ARHGAP26: variants seen among roughly 807,000 people sequenced by gnomAD.
ARHGAP26 encodes the protein Rho GTPase activating protein 26.
ARHGAP26 carries 38 observed loss-of-function variants against 104.8 expected under a neutral mutation model. That is an observed-to-expected ratio of 0.36 (90% CI 0.28 to 0.48). ARHGAP26 has a LOEUF of 0.48. Ranked by LOEUF, ARHGAP26 falls within the 20% of genes least tolerant of loss-of-function variation. The pLI is 0.99. For synonymous variants in ARHGAP26, 341 were observed against 340.0 expected, an observed-to-expected ratio of 1.00 and a Z score of -0.03; for missense variants, 704 against 947.9, an observed-to-expected ratio of 0.74 and a Z score of 3.38.
intron 14 of ARHGAP26, among the ~76,000 whole-genome samples, chr5:143,043,036 GATCC>G (rs1234398713): frequency 6.6e-6 from 1 of 152,138 alleles, no homozygotes; most frequent in African/African-American, 2.4e-5. Flanking sequence ...ATAATATAGA[GATCC>G]TGTGTACCAC....
intron 14 of ARHGAP26, among the ~76,000 whole-genome samples, chr5:143,046,350 T>A (rs949285405): frequency 1.3e-5 from 2 of 152,198 alleles, no homozygotes; most frequent in Non-Finnish European, 2.9e-5. Context: ...TTTTTTTGAA[T>A]TACTTCGAGT....
chr5:143,167,220 A>G (rs1239280237), intron 20 of ARHGAP26, among the ~76,000 whole-genome samples: 1 of 150,678 alleles, frequency 6.6e-6, no homozygotes, highest in African/African-American at 2.4e-5. Flanking sequence ...TAATGTCAGC[A>G]TGTTCGGAGG....
chr5:142,829,589 G>A (rs1033763174), intron 1 of ARHGAP26, among the ~76,000 whole-genome samples: 1 of 152,202 alleles, frequency 6.6e-6, no homozygotes, highest in Non-Finnish European at 1.5e-5. Context: ...GATATAATTG[G>A]TATTTATCTC....
At chr5:143,187,816 A>G (rs1001858253) in intron 20 of ARHGAP26, among the ~76,000 whole-genome samples, 3 of 152,164 alleles carry the variant, frequency 2.0e-5, no homozygotes, top group African/African-American at 4.8e-5. Context: ...AGTGCACTCT[A>G]TCCATTGGGA....
chr5:143,081,899 A>C (rs943324927), intron 17 of ARHGAP26, among the ~76,000 whole-genome samples: 1 of 151,312 alleles, frequency 6.6e-6, no homozygotes, highest in Non-Finnish European at 1.5e-5. Flanking sequence ...AGTCCCAGCT[A>C]CTCGGGAGGC....
intron 22 of ARHGAP26, among the ~76,000 whole-genome samples, chr5:143,218,869 C>G (rs768049938): frequency 6.6e-6 from 1 of 152,226 alleles, no homozygotes; most frequent in Non-Finnish European, 1.5e-5. Context: ...GATCAGATGT[C>G]TTGGTCTCTG....
chr5:142,856,722 A>G (rs1229338015), intron 1 of ARHGAP26, among the ~76,000 whole-genome samples: 3 of 152,196 alleles, frequency 2.0e-5, no homozygotes, highest in Admixed American at 2.0e-4. Flanking sequence ...CATAGCATTT[A>G]CATTGTATTA....
At chr5:142,955,125 C>CACACACACACA (rs1554169173) in intron 11 of ARHGAP26, among the ~76,000 whole-genome samples, 1 of 149,978 alleles carries the variant, frequency 6.7e-6, no homozygotes. Flanking sequence ...CACACACACA[C>CACACACACACA]CCCCCATCTC....
At chr5:142,985,858 A>T (rs1452154904) in intron 11 of ARHGAP26, among the ~76,000 whole-genome samples, 3 of 152,068 alleles carry the variant, frequency 2.0e-5, no homozygotes. Context: ...ATGGCTGCAT[A>T]GTATTCCATG....
At chr5:143,068,837 G>A (rs1787874533) in intron 17 of ARHGAP26, among the ~76,000 whole-genome samples, 1 of 152,118 alleles carries the variant, frequency 6.6e-6, no homozygotes, top group Non-Finnish European at 1.5e-5. Context: ...ATGCACACTA[G>A]TCCACTGAAA....
At chr5:142,948,645 T>G (rs1302106621) in intron 11 of ARHGAP26, among the ~76,000 whole-genome samples, 1 of 151,472 alleles carries the variant, frequency 6.6e-6, no homozygotes, top group Non-Finnish European at 1.5e-5. Context: ...TATACTTTCC[T>G]TAGCTCTTTT....
intron 10 of ARHGAP26, among the ~76,000 whole-genome samples, chr5:142,931,056 T>C (rs1021284063): frequency 3.3e-5 from 5 of 152,238 alleles, no homozygotes; most frequent in African/African-American, 1.2e-4. Flanking sequence ...TCAGTGGACC[T>C]CTTCCTCCTT....
At chr5:143,069,875 T>G (rs1191250035) in intron 17 of ARHGAP26, among the ~76,000 whole-genome samples, 1 of 152,198 alleles carries the variant, frequency 6.6e-6, no homozygotes, top group South Asian at 2.1e-4. Context: ...CATTCAGATA[T>G]TTTCCTAATA....
At chr5:142,883,196 A>G (rs1757245594) in intron 4 of ARHGAP26, among the ~76,000 whole-genome samples, 1 of 152,204 alleles carries the variant, frequency 6.6e-6, no homozygotes, top group South Asian at 2.1e-4. Context: ...CCAGAATGCC[A>G]GTGACTCATG....
At chr5:142,992,411 TTTTA>T (rs1190639466) in intron 11 of ARHGAP26, among the ~76,000 whole-genome samples, 5 of 151,770 alleles carry the variant, frequency 3.3e-5, no homozygotes, top group Admixed American at 6.6e-5. Flanking sequence ...AGCAGTGATT[TTTTA>T]TTTATTTATT....
chr5:143,213,807 A>G (rs1809894514), intron 21 of ARHGAP26, among the ~76,000 whole-genome samples, 190 bp from the exon 22 acceptor site: 1 of 152,028 alleles, frequency 6.6e-6, no homozygotes, highest in Admixed American at 6.5e-5. Context: ...TTCTCTGAAT[A>G]TTTCTCATTT....
intron 11 of ARHGAP26, among the ~76,000 whole-genome samples, chr5:142,960,092 C>G (rs1769963560): frequency 6.6e-6 from 1 of 152,254 alleles, no homozygotes; most frequent in African/African-American, 2.4e-5. Context: ...ATAGCTGAAG[C>G]TGTCTCATCC....
intron 14 of ARHGAP26, among the ~76,000 whole-genome samples, chr5:143,049,621 A>G (rs1784709528): frequency 6.6e-6 from 1 of 152,174 alleles, no homozygotes; most frequent in African/African-American, 2.4e-5. Flanking sequence ...TGTTTAATCA[A>G]ACCTTTGCTT....
At position 143,014,159 on chromosome 5, in the gene ARHGAP26, A is replaced by T. The variant is rs371053682; in HGVS notation, c.1144+43A>T. On this transcript the variant is annotated intron_variant, in intron 12 of 22. Coordinates refer to ENST00000645722, the MANE Select transcript of ARHGAP26 (RefSeq NM_001135608.3). ...GTAACCTTCTACAGCCAGGGTTGGG[A>T]GTAGGCTTTGAGAAGTTGCTACTCC... 1.9e-6 allele frequency: 3 copies of T among 1,611,018 alleles called. No individual in the cohort carries two copies. The Admixed American group carries it at 5.0e-5, about 27-fold the overall frequency.
Sources: allele counts gnomAD v4.1 joint callset (sites outside exome capture counted in the v4.1 genomes callset), GRCh38; gene constraint gnomAD v4.1.1; transcripts MANE v1.5; gene names NCBI Gene and HGNC (gene_info 2026-07-23, HGNC 2026-07-21).